The following ANKS1B variants were observed in gnomAD, a reference collection of about 807,000 sequenced individuals.
ANKS1B encodes ankyrin repeat and sterile alpha motif domain-containing protein 1B.
In ANKS1B, 36 loss-of-function variants were observed where a neutral mutation model predicts 148.3. The ratio of observed to expected loss-of-function variants is 0.24; its 90% CI spans 0.19 to 0.32. ANKS1B has a LOEUF of 0.32. Ranked by LOEUF, ANKS1B falls within the 10% of genes least tolerant of loss-of-function variation. ANKS1B has a pLI of 1.00. For synonymous variants in ANKS1B, 542 were observed against 560.8 expected (o/e 0.97, Z 0.47); for missense variants, 1,157 against 1,542.6 (o/e 0.75, Z 4.19).
At chr12:99,265,965 T>C (rs1202927588) in intron 12 of ANKS1B, among the ~76,000 whole-genome samples, 1 of 152,188 alleles carries the variant, frequency 6.6e-6, no homozygotes, top group African/African-American at 2.4e-5. Context: ...AGCATGTAGA[T>C]GTCACCCATT....
intron 1 of ANKS1B, among the ~76,000 whole-genome samples, chr12:99,941,123 A>T (rs1372762053): frequency 6.6e-6 from 1 of 152,174 alleles, no homozygotes; most frequent in Non-Finnish European, 1.5e-5. Flanking sequence ...TAAAGGAATA[A>T]ATAAACAGAG....
intron 8 of ANKS1B, among the ~76,000 whole-genome samples, chr12:99,705,379 C>A (rs1323112896): frequency 1.3e-5 from 2 of 152,044 alleles, no homozygotes; most frequent in Admixed American, 1.3e-4. Context: ...GCCCTAAGAA[C>A]TTCCCATTAG....
intron 17 of ANKS1B, among the ~76,000 whole-genome samples, chr12:98,927,156 A>C (rs1178315995): frequency 6.6e-6 from 1 of 152,150 alleles, no homozygotes. Flanking sequence ...AGGGATCCTA[A>C]ATAACATTAA....
intron 1 of ANKS1B, among the ~76,000 whole-genome samples, chr12:99,844,937 G>A (rs372637737): frequency 1.1e-4 from 16 of 152,072 alleles, no homozygotes; most frequent in African/African-American, 3.6e-4. Context: ...TCTTTTTAAA[G>A]AGGTCCTTCA....
intron 10 of ANKS1B, among the ~76,000 whole-genome samples, chr12:99,467,876 T>C (rs1407816308): frequency 6.6e-6 from 1 of 152,186 alleles, no homozygotes; most frequent in African/African-American, 2.4e-5. Flanking sequence ...AGGTAATTTA[T>C]AGATTCAATG....
chr12:99,817,514 T>G (rs947523170), intron 2 of ANKS1B, among the ~76,000 whole-genome samples: 15 of 151,692 alleles, frequency 9.9e-5, no homozygotes, highest in Non-Finnish European at 1.5e-5. Context: ...TCCTTTTTTT[T>G]TTTGGATATG....
At chr12:99,723,167 C>T (rs939773091) in intron 8 of ANKS1B, among the ~76,000 whole-genome samples, 20 of 152,304 alleles carry the variant, frequency 1.3e-4, no homozygotes, top group African/African-American at 2.4e-4. Flanking sequence ...ACCACAGTTG[C>T]GGCTGCCTGT....
intron 1 of ANKS1B, among the ~76,000 whole-genome samples, chr12:99,837,745 G>A (rs2085080934): frequency 6.6e-6 from 1 of 152,118 alleles, no homozygotes; most frequent in South Asian, 2.1e-4. Context: ...CAGTCTCATT[G>A]TTTTTATTTA....
chr12:98,969,783 T>A lies in ANKS1B; in HGVS notation c.2778+83374A>T, dbSNP rs1369630650. ...AGAGAACATCCTCCTAATACTTCAG[T>A]GGGCTTGAACAGAGAAATGGAATCC... On this transcript the variant is annotated intron_variant, in intron 17 of 26. Coordinates refer to ENST00000683438, the MANE Select transcript of ANKS1B (RefSeq NM_001352186.2). Among the ~76,000 whole-genome samples the A allele has an allele frequency of 2.6e-5, 4 of 152,210 alleles. No individual in the cohort carries two copies. The East Asian group carries it at 7.7e-4, about 29-fold the overall frequency.
At chr12:98,945,933 G>A (rs2099844820) in intron 17 of ANKS1B, among the ~76,000 whole-genome samples, 1 of 152,278 alleles carries the variant, frequency 6.6e-6, no homozygotes, top group African/African-American at 2.4e-5. Context: ...CTCTTTGTCT[G>A]TCTGGCTAAG....
At chr12:99,092,314 G>C (rs1453368695) in intron 15 of ANKS1B, among the ~76,000 whole-genome samples, 1 of 152,042 alleles carries the variant, frequency 6.6e-6, no homozygotes, top group Admixed American at 6.5e-5. Flanking sequence ...GGCTGGGGTT[G>C]GGGTGGCACC....
At chr12:99,039,561 G>C (rs2099957610) in intron 17 of ANKS1B, among the ~76,000 whole-genome samples, 1 of 152,176 alleles carries the variant, frequency 6.6e-6, no homozygotes, top group Non-Finnish European at 1.5e-5. Flanking sequence ...AGTGGAATAA[G>C]GAACTAGAAA....
chr12:98,802,681 C>T (rs1004830561), intron 20 of ANKS1B, among the ~76,000 whole-genome samples: 1 of 124,904 alleles, frequency 8.0e-6, no homozygotes, highest in East Asian at 2.7e-4. Context: ...CACTTCGACT[C>T]GCAGAAGAGC....
chr12:99,270,069 C>G (rs928355300), intron 12 of ANKS1B, among the ~76,000 whole-genome samples: 1 of 152,140 alleles, frequency 6.6e-6, no homozygotes, highest in African/African-American at 2.4e-5. Flanking sequence ...CCTTGATTAA[C>G]AGAGACTGGA....
At chr12:98,842,264 T>C (rs1327018290) in intron 17 of ANKS1B, among the ~76,000 whole-genome samples, 2 of 152,174 alleles carry the variant, frequency 1.3e-5, no homozygotes, top group Non-Finnish European at 2.9e-5. Flanking sequence ...GGCTACATGA[T>C]ACAGGCTATA....
intron 16 of ANKS1B, among the ~76,000 whole-genome samples, chr12:99,060,370 G>T (rs1053925935): frequency 2.6e-5 from 4 of 151,848 alleles, no homozygotes; most frequent in African/African-American, 9.7e-5. Context: ...GGTTTGAGGG[G>T]GTCAGCTACG....
intron 17 of ANKS1B, among the ~76,000 whole-genome samples, chr12:98,880,502 C>T (rs1169265900): frequency 1.3e-5 from 2 of 152,112 alleles, no homozygotes; most frequent in Non-Finnish European, 2.9e-5. Context: ...CACGGTGGCT[C>T]ATGCCTGTAA....
Position 99,416,070 on chromosome 12 carries a change from T to C in ANKS1B, c.1576-16259A>G, listed in dbSNP as rs149897651. ...TAACTACCGATCTGTTATCCAGTTC[T>C]ACAATTTTGTCACATTAATAATGCT... On this transcript the variant is annotated intron_variant, in intron 11 of 26. Coordinates refer to ENST00000683438, the MANE Select transcript of ANKS1B (RefSeq NM_001352186.2). 1.3e-4 allele frequency among the ~76,000 whole-genome samples: 20 copies of C among 152,326 alleles called. No homozygotes were observed. The East Asian group carries it at 3.5e-3, about 26-fold the overall frequency.
chr12:99,008,598 G>C lies in ANKS1B; in HGVS notation c.2778+44559C>G, dbSNP rs1258386790. 2.6e-5 allele frequency among the ~76,000 whole-genome samples: 4 copies of C among 152,094 alleles called. No homozygotes were observed. In the East Asian group the frequency reaches 7.7e-4, roughly 29 times the overall value. On this transcript the variant is annotated intron_variant, in intron 17 of 26. Transcript: ENST00000683438. ...CTTTCTTGCAGTCTGAGCTCAACCT[G>C]TCTTATTTTGCTCTGAGTTTTCCAG...
Sources: allele counts gnomAD v4.1 joint callset (sites outside exome capture counted in the v4.1 genomes callset), GRCh38; gene constraint gnomAD v4.1.1; transcripts MANE v1.5; gene names NCBI Gene and HGNC (gene_info 2026-07-23, HGNC 2026-07-21).